DEUP1: variants seen among roughly 807,000 people sequenced by gnomAD.
DEUP1 encodes the protein coiled-coil domain containing 67.
In DEUP1, 82 loss-of-function variants were observed where a neutral mutation model predicts 87.4. The ratio of observed to expected loss-of-function variants is 0.94; its 90% confidence interval spans 0.78 to 1.13. The LOEUF is 1.13. DEUP1 is among the 50% of genes most tolerant of loss of function. The probability of loss-of-function intolerance (pLI) is 0.00; values close to 1 mark genes in which losing one functional copy is unlikely to be tolerated. For missense variants in DEUP1, 663 were observed against 681.5 expected, an observed-to-expected ratio of 0.97 and a Z score of 0.30; for synonymous variants, 214 against 222.7, an observed-to-expected ratio of 0.96 and a Z score of 0.35.
intron 4 of DEUP1, among the ~76,000 whole-genome samples, chr11:93,359,185 G>A (rs1251383347): frequency 4.6e-5 from 7 of 152,108 alleles, no homozygotes. Context: ...ACATGCTTTT[G>A]TTGCTGCCAG....
rs146000156 is a variant in DEUP1 at position 93,370,456 on chromosome 11, A to G, written c.546+270A>G. Among the ~76,000 whole-genome samples, 4 of 152,358 alleles carry G rather than the reference A, an allele frequency of 2.6e-5. No individual in the cohort carries two copies. In the East Asian group the frequency reaches 7.7e-4, roughly 29 times the overall value. On this transcript the variant is annotated intron_variant, in intron 6 of 13. Coordinates refer to ENST00000298050, the MANE Select transcript of DEUP1 (RefSeq NM_181645.4). The stretch of plus-strand genomic sequence containing the variant: ...GCATGCCTACAGGCAAGGCACTCAA[A>G]GAATTTACGATTGCTTGCTTTACTT...
In DEUP1 at chr11:93,332,294, T is replaced by C; in HGVS notation, c.29+6T>C. The C allele has an allele frequency of 6.2e-7, 1 of 1,605,776 alleles. No homozygotes were observed. The highest frequency in any genetic ancestry group is 2.2e-5 in the East Asian group (1 of 44,774). On this transcript the variant is annotated splice_donor_region_variant and intron_variant, in intron 2 of 13. Coordinates refer to ENST00000298050, the MANE Select transcript of DEUP1 (RefSeq NM_181645.4). ...CAAGCCCATAATACGATGGGGTAAG[T>C]GCTGAGAAATTTCTGTTTAATAAGT...
At chr11:93,391,399 AT>A (rs995223725) in intron 9 of DEUP1, among the ~76,000 whole-genome samples, 25 of 152,168 alleles carry the variant, frequency 1.6e-4, no homozygotes, top group African/African-American at 5.8e-4. Context: ...TAGTATATTC[AT>A]TTTTTTATAT....
chr11:93,373,645 ATATATACG>A (rs1945882542), intron 7 of DEUP1, among the ~76,000 whole-genome samples: 1 of 146,328 alleles, frequency 6.8e-6, no homozygotes, highest in Non-Finnish European at 1.5e-5. Context: ...ATATATATAT[ATATATACG>A]TATATATATG....
intron 13 of DEUP1, chr11:93,415,335 C>T (rs1482910175): frequency 3.6e-6 from 1 of 281,206 alleles, no homozygotes; most frequent in Non-Finnish European, 6.7e-6. Context: ...GATTATTAAC[C>T]TCTAATGCAG....
chr11:93,330,480 G>C (rs1009357610), upstream of DEUP1: 1 of 152,906 alleles, frequency 6.5e-6, no homozygotes. Context: ...GGTGAGGTTG[G>C]AGGCAGCCGA....
chr11:93,361,886 T>A (rs1169317645), intron 4 of DEUP1, among the ~76,000 whole-genome samples: 1 of 151,812 alleles, frequency 6.6e-6, no homozygotes, highest in Admixed American at 6.6e-5. Context: ...TATAGGCAAG[T>A]TGAAACTAAA....
At chr11:93,433,643 G>T (rs1384366124) in intron 13 of DEUP1, among the ~76,000 whole-genome samples, 1 of 152,200 alleles carries the variant, frequency 6.6e-6, no homozygotes, top group African/African-American at 2.4e-5. Flanking sequence ...ACTCAGGCCA[G>T]AATCTAGGAA....
chr11:93,334,885 T>G (rs190516679), intron 2 of DEUP1, among the ~76,000 whole-genome samples: 42 of 152,340 alleles, frequency 2.8e-4, no homozygotes, highest in African/African-American at 1.0e-3. Context: ...TTGGCCTTTT[T>G]AAGAAAACCT....
chr11:93,405,111 A>G (rs962562202), intron 11 of DEUP1, among the ~76,000 whole-genome samples: 2 of 152,008 alleles, frequency 1.3e-5, no homozygotes, highest in African/African-American at 4.8e-5. Flanking sequence ...GCTTAAACAA[A>G]ATTTTAACTA....
chr11:93,420,188 C>T (rs1208352249), intron 13 of DEUP1, among the ~76,000 whole-genome samples: 1 of 151,954 alleles, frequency 6.6e-6, no homozygotes, highest in Non-Finnish European at 1.5e-5. Flanking sequence ...AAACCAAATC[C>T]AGCAGCACAT....
chr11:93,389,981 CTT>C lies in DEUP1; in HGVS notation c.1041+858_1041+859del, dbSNP rs1392646637. Among the ~76,000 whole-genome samples the C allele has an allele frequency of 7.2e-5, 11 of 152,300 alleles. No individual in the cohort carries two copies. In the East Asian group the frequency reaches 2.1e-3, roughly 29 times the overall value. ...CACTGTCCTTAAAGAGCTTGTGGTTCTTTACTCTCCTACAAAGAGTATGATTC... is the reference window on the plus strand; with the variant it reads ...CACTGTCCTTAAAGAGCTTGTGGTTCTACTCTCCTACAAAGAGTATGATTC... On this transcript the variant is annotated intron_variant, in intron 9 of 13. Coordinates refer to ENST00000298050, the MANE Select transcript of DEUP1 (RefSeq NM_181645.4).
At chr11:93,337,658 G>A (rs1177409829) in intron 2 of DEUP1, among the ~76,000 whole-genome samples, 7 of 152,148 alleles carry the variant, frequency 4.6e-5, no homozygotes, top group African/African-American at 1.2e-4. Flanking sequence ...CAAACTTGAC[G>A]GTAGACTCTG....
At chr11:93,339,669 C>A (rs543200493) in intron 2 of DEUP1, among the ~76,000 whole-genome samples, 2 of 152,272 alleles carry the variant, frequency 1.3e-5, no homozygotes, top group African/African-American at 4.8e-5. Context: ...CTTACCATAG[C>A]AAAGGAACGC....
At chr11:93,390,745 C>G (rs1358836008) in intron 9 of DEUP1, among the ~76,000 whole-genome samples, 1 of 151,976 alleles carries the variant, frequency 6.6e-6, no homozygotes, top group Non-Finnish European at 1.5e-5. Context: ...CACTAAATAC[C>G]AGAATGCTGT....
rs894114782 is a variant in DEUP1 at position 93,335,710 on chromosome 11, G to C, written c.29+3422G>C. Among the ~76,000 whole-genome samples, 3 of 152,130 alleles carry C rather than the reference G, an allele frequency of 2.0e-5. No individual in the cohort carries two copies. The East Asian group carries it at 5.8e-4, about 29-fold the overall frequency. On this transcript the variant is annotated intron_variant, in intron 2 of 13. Transcript: ENST00000298050. The stretch of plus-strand genomic sequence containing the variant: ...GCCTGATATTAATATTACCATCCCT[G>C]CTTTCTTTTTAGTTTACTTTAATCA...
intron 2 of DEUP1, among the ~76,000 whole-genome samples, chr11:93,343,042 G>A (rs1437851984): frequency 6.6e-6 from 1 of 152,216 alleles, no homozygotes; most frequent in Non-Finnish European, 1.5e-5. Flanking sequence ...GGACATGTCA[G>A]TGTTGAATAG....
At chr11:93,369,703 G>A (rs1337088921) in intron 5 of DEUP1, among the ~76,000 whole-genome samples, 2 of 6,424 alleles carry the variant, frequency 3.1e-4, no homozygotes, top group African/African-American at 6.4e-4. Context: ...AGGCCGAGGC[G>A]GGCGGATCAC....
intron 13 of DEUP1, 38 bp downstream of exon 13, chr11:93,415,152 G>A: frequency 3.2e-6 from 4 of 1,241,264 alleles, no homozygotes; most frequent in Admixed American, 3.5e-5. Context: ...TTCTTTAATG[G>A]GTTATTGCTT....
Sources: gnomAD v4.1 joint callset for allele counts (sites outside exome capture counted in the v4.1 genomes callset) on GRCh38, gnomAD v4.1.1 for gene constraint, MANE v1.5 for transcripts, NCBI Gene and HGNC (gene_info 2026-07-23, HGNC 2026-07-21) for gene names.